Variants in HIGD1A observed in about 807,000 individuals in gnomAD.
The protein encoded by HIGD1A is HIG1 hypoxia inducible domain family member 1A.
HIGD1A carries 8 observed loss-of-function variants against 11.3 expected under a neutral mutation model. The observed-to-expected ratio is 0.71, with a 90% CI of 0.42 to 1.28. HIGD1A has a LOEUF of 1.28. Ranked by LOEUF, HIGD1A falls within the 50% of genes most tolerant of loss-of-function variation. The pLI is 0.01. For synonymous variants in HIGD1A, 32 were observed against 38.4 expected (o/e 0.83, Z 0.62); for missense variants, 107 against 118.8 (o/e 0.90, Z 0.46).
intron 2 of HIGD1A, among the ~76,000 whole-genome samples, chr3:42,791,109 T>TG (rs1700417039): frequency 6.6e-6 from 1 of 152,236 alleles, no homozygotes; most frequent in African/African-American, 2.4e-5. Flanking sequence ...ATCTCTCATA[T>TG]GTTTAGTATA....
intron 1 of HIGD1A, among the ~76,000 whole-genome samples, chr3:42,795,488 AC>A (rs1232971039): frequency 1.3e-5 from 2 of 152,096 alleles, no homozygotes; most frequent in East Asian, 3.9e-4. Context: ...TGTTGGGATT[AC>A]AGGCATGAGC....
intron 2 of HIGD1A, among the ~76,000 whole-genome samples, chr3:42,793,276 T>C (rs1187557086): frequency 1.3e-5 from 2 of 152,196 alleles, no homozygotes; most frequent in Non-Finnish European, 2.9e-5. Flanking sequence ...AAATGAATTT[T>C]AATATGCCTG....
At chr3:42,785,522 A>C (rs1245870084) in intron 3 of HIGD1A, among the ~76,000 whole-genome samples, 1 of 152,200 alleles carries the variant, frequency 6.6e-6, no homozygotes, top group Non-Finnish European at 1.5e-5. Flanking sequence ...GTAGTTTCCC[A>C]AGTAGCAAAG....
intron 1 of HIGD1A, 125 bp from the exon 2 acceptor site, chr3:42,794,400 G>A (rs1700468591): frequency 9.1e-6 from 8 of 882,812 alleles, no homozygotes; most frequent in Non-Finnish European, 1.1e-5. Flanking sequence ...TAATCCTAAA[G>A]TTAAAAAATA....
At chr3:42,789,568 A>AAC (rs1700395108) in intron 2 of HIGD1A, among the ~76,000 whole-genome samples, 1 of 1,812 alleles carries the variant, frequency 5.5e-4, no homozygotes, top group East Asian at 0.5. Flanking sequence ...ATCCAAGAAC[A>AAC]AAAAAAAAAA....
Position 42,795,432 on chromosome 3 carries a change from G to T in HIGD1A, c.-22-1157C>A, listed in dbSNP as rs181789385. Among the ~76,000 whole-genome samples, 372 of 151,948 alleles carry T rather than the reference G, an allele frequency of 2.4e-3. 3 individuals are homozygous for T. The highest frequency in any genetic ancestry group is 8.7e-3 in the African/African-American group (360 of 41,434). On this transcript the variant is annotated intron_variant, in intron 1 of 3. Coordinates refer to ENST00000321331, the MANE Select transcript of HIGD1A (RefSeq NM_014056.4). ...AGATGGGGTTTCACCATCTTGACCA[G>T]GCTGGTCTCGAACTCCTGACCTCAG...
chr3:42,801,871 A>C (rs955738977), intron 1 of HIGD1A, among the ~76,000 whole-genome samples: 2 of 152,236 alleles, frequency 1.3e-5, no homozygotes, highest in Non-Finnish European at 2.9e-5. Flanking sequence ...CTTTAAAAGC[A>C]AGAAAGTTGG....
At chr3:42,793,799 C>T (rs796307170) in intron 2 of HIGD1A, among the ~76,000 whole-genome samples, 1 of 152,262 alleles carries the variant, frequency 6.6e-6, no homozygotes, top group African/African-American at 2.4e-5. Context: ...CGCAAAACCC[C>T]GTGTCTATAC....
At chr3:42,792,863 T>A (rs901309319) in intron 2 of HIGD1A, among the ~76,000 whole-genome samples, 2 of 151,412 alleles carry the variant, frequency 1.3e-5, no homozygotes, top group Non-Finnish European at 2.9e-5. Flanking sequence ...GCACCTATAA[T>A]TCTAGCTACT....
rs192548614 is a variant in HIGD1A, at chr3:42,792,101, G to A, written c.97+2056C>T. On this transcript the variant is annotated intron_variant, in intron 2 of 3. Coordinates refer to ENST00000321331, the MANE Select transcript of HIGD1A (RefSeq NM_014056.4). ...ACAGAGAAGAAAACACTGACAGACTGTGCAGACTGCTGTTGTCTTTCAGAG... is the reference window on the plus strand; with the variant it reads ...ACAGAGAAGAAAACACTGACAGACTATGCAGACTGCTGTTGTCTTTCAGAG... Among the ~76,000 whole-genome samples, 5 of 152,268 alleles carry A rather than the reference G, an allele frequency of 3.3e-5. No individual in the cohort carries two copies. In the East Asian group the frequency reaches 7.7e-4, roughly 23 times the overall value.
At chr3:42,799,623 T>C (rs1459194751) in intron 1 of HIGD1A, among the ~76,000 whole-genome samples, 1 of 152,066 alleles carries the variant, frequency 6.6e-6, no homozygotes. Context: ...TGGTTTTTTT[T>C]TTTTGTATTT....
chr3:42,802,739 C>T (rs556234805), intron 1 of HIGD1A, among the ~76,000 whole-genome samples: 134 of 152,264 alleles, frequency 8.8e-4, no homozygotes, highest in Non-Finnish European at 1.6e-3. Flanking sequence ...GAGGGTTATA[C>T]GAATTGCTCA....
At chr3:42,803,574 G>A (rs575466124) in intron 1 of HIGD1A, among the ~76,000 whole-genome samples, 2 of 152,296 alleles carry the variant, frequency 1.3e-5, no homozygotes, top group East Asian at 3.9e-4. Flanking sequence ...GGTTGTCACC[G>A]CTTCAACCTG....
intron 1 of HIGD1A, among the ~76,000 whole-genome samples, chr3:42,803,339 A>T (rs913536391): frequency 1.3e-5 from 2 of 152,174 alleles, no homozygotes; most frequent in Non-Finnish European, 2.9e-5. Context: ...TGTCACGGGA[A>T]TTACTATCTA....
chr3:42,796,904 CTCTCCGTCTCCCTCTCCG>C (rs1160866866), intron 1 of HIGD1A, among the ~76,000 whole-genome samples: 561 of 862 alleles, frequency 0.65, 231 homozygotes, highest in Admixed American at 0.92. Context: ...CTCCCTCTCC[CTCTCCGTCTCCCTCTCCG>C]TCTCCCTCTC....
intron 1 of HIGD1A, 61 bp from the exon 2 acceptor site, chr3:42,794,336 G>A: frequency 1.4e-6 from 2 of 1,402,102 alleles, no homozygotes; most frequent in South Asian, 1.5e-5. Context: ...TTAAATATCT[G>A]GATGTATTTA....
At chr3:42,801,417 C>CTAGAA (rs756742113) in intron 1 of HIGD1A, among the ~76,000 whole-genome samples, 2 of 152,180 alleles carry the variant, frequency 1.3e-5, no homozygotes, top group African/African-American at 4.8e-5. Flanking sequence ...GTTTCTTTTG[C>CTAGAA]TAGAATCCTT....
At chr3:42,794,017 T>A (rs1291121731) in intron 2 of HIGD1A, 140 bp downstream of exon 2, 1 of 835,480 alleles carries the variant, frequency 1.2e-6, no homozygotes, top group African/African-American at 1.8e-5. Context: ...ATCTTTATGA[T>A]GAGATTTATA....
At chr3:42,789,588 T>G (rs1481635003) in intron 2 of HIGD1A, among the ~76,000 whole-genome samples, 1 of 145,814 alleles carries the variant, frequency 6.9e-6, no homozygotes, top group African/African-American at 2.5e-5. Context: ...ACGAAAAATC[T>G]CTTAAGATTC....
Sources: allele counts gnomAD v4.1 joint callset (sites outside exome capture counted in the v4.1 genomes callset), GRCh38; gene constraint gnomAD v4.1.1; transcripts MANE v1.5; gene names NCBI Gene and HGNC (gene_info 2026-07-23, HGNC 2026-07-21).